SLIT3: variants seen among roughly 807,000 people sequenced by gnomAD.
SLIT3 encodes slit homolog 3 protein.
In SLIT3, 68 loss-of-function variants were observed where a neutral mutation model predicts 184.0. The ratio of observed to expected loss-of-function variants is 0.37; its 90% CI spans 0.30 to 0.45. The LOEUF (loss-of-function observed/expected upper bound fraction) is 0.45. Among genes scored for constraint, SLIT3 ranks in the 20% least tolerant of loss-of-function variants. SLIT3 has a pLI of 1.00. For synonymous variants in SLIT3, 831 were observed against 828.6 expected, an observed-to-expected ratio of 1.00 and a Z score of -0.05; for missense variants, 1,707 against 2,026.0, an observed-to-expected ratio of 0.84 and a Z score of 3.02.
intron 4 of SLIT3, among the ~76,000 whole-genome samples, chr5:169,068,144 C>T (rs1758419995): frequency 6.6e-6 from 1 of 152,214 alleles, no homozygotes; most frequent in East Asian, 1.9e-4. Flanking sequence ...GCACTATTCC[C>T]CTCTCAGTTG....
chr5:169,033,877 ATC>A (rs1436280524), intron 4 of SLIT3, among the ~76,000 whole-genome samples: 7 of 150,204 alleles, frequency 4.7e-5, no homozygotes, highest in African/African-American at 1.7e-4. Context: ...CAGTGGCACA[ATC>A]TCGGCTCACT....
intron 8 of SLIT3, among the ~76,000 whole-genome samples, chr5:168,808,889 C>T (rs1007874936): frequency 6.6e-6 from 1 of 152,116 alleles, no homozygotes; most frequent in African/African-American, 2.4e-5. Context: ...GGAGCCTGGC[C>T]TTCCACATCA....
chr5:169,225,633 G>A (rs756006853), intron 3 of SLIT3, among the ~76,000 whole-genome samples: 2 of 152,230 alleles, frequency 1.3e-5, no homozygotes, highest in African/African-American at 4.8e-5. Context: ...GGCCACGCCC[G>A]AGGGGCAGGG....
rs1412744418 is a variant in SLIT3, at chr5:169,269,154, CA to C, written c.198-17696del. ...CTTGTCTCCTTTATTAGCCTGTAAG[CA>C]ATAAGGGCAAGGGCTGTGGGGGTTC... is the stretch of plus-strand genomic sequence containing the variant. On this transcript the variant is annotated intron_variant, in intron 1 of 35. Transcript: ENST00000519560. Among the ~76,000 whole-genome samples the C allele has an allele frequency of 3.3e-5, 5 of 152,294 alleles. No individual in the cohort carries two copies. The East Asian group carries it at 9.6e-4, about 29-fold the overall frequency.
chr5:169,274,460 A>T (rs971305918), intron 1 of SLIT3, among the ~76,000 whole-genome samples: 1 of 152,224 alleles, frequency 6.6e-6, no homozygotes, highest in Non-Finnish European at 1.5e-5. Flanking sequence ...GATAATGTAT[A>T]AAATTCACTA....
intron 6 of SLIT3, among the ~76,000 whole-genome samples, chr5:168,842,469 G>GTTTTTTTTTTTTTTTTTTTTTTT (rs778998998): frequency 3.4e-5 from 3 of 88,100 alleles, no homozygotes; most frequent in African/African-American, 1.4e-4. Context: ...CCGTTTTTTC[G>GTTTTTTTTTTTTTTTTTTTTTTT]TTTTTTTTTT....
chr5:168,746,112 G>A (rs1191785424), intron 20 of SLIT3, among the ~76,000 whole-genome samples: 4 of 152,168 alleles, frequency 2.6e-5, no homozygotes. Context: ...ACATTTGTGC[G>A]ACTTGCTTCA....
chr5:168,690,323 C>T (rs570818379), intron 29 of SLIT3, among the ~76,000 whole-genome samples: 9 of 152,086 alleles, frequency 5.9e-5, no homozygotes, highest in Non-Finnish European at 1.3e-4. Flanking sequence ...TCAGTAGAGA[C>T]GGGGTTTCAC....
intron 1 of SLIT3, among the ~76,000 whole-genome samples, chr5:169,275,577 T>C (rs1257839935): frequency 6.6e-6 from 1 of 152,124 alleles, no homozygotes; most frequent in African/African-American, 2.4e-5. Context: ...TTCCACACGG[T>C]AGGGGCAGTC....
chr5:169,065,947 T>G (rs1758337061), intron 4 of SLIT3, among the ~76,000 whole-genome samples: 1 of 152,224 alleles, frequency 6.6e-6, no homozygotes. Flanking sequence ...CTATGTTTCA[T>G]GAACTTCATC....
At chr5:168,885,971 C>T (rs1487734394) in intron 4 of SLIT3, among the ~76,000 whole-genome samples, 6 of 152,268 alleles carry the variant, frequency 3.9e-5, no homozygotes, top group African/African-American at 1.2e-4. Flanking sequence ...TTGGGTGGGG[C>T]AGCGCTTTGG....
At chr5:168,856,984 G>A (rs529700594) in intron 5 of SLIT3, among the ~76,000 whole-genome samples, 1 of 151,854 alleles carries the variant, frequency 6.6e-6, no homozygotes, top group Non-Finnish European at 1.5e-5. Context: ...AAGGGATGGT[G>A]GGGGGGCCTG....
At chr5:169,192,423 CTGTGTGTGTG>C (rs3038088) in intron 4 of SLIT3, among the ~76,000 whole-genome samples, 34 of 148,278 alleles carry the variant, frequency 2.3e-4, no homozygotes, top group Middle Eastern at 3.5e-3. Flanking sequence ...TATATAGTCT[CTGTGTGTGTG>C]TGTGTGTGTG....
intron 1 of SLIT3, chr5:169,263,494 C>A: frequency 2.5e-6 from 1 of 395,926 alleles, no homozygotes; most frequent in South Asian, 1.9e-5. Context: ...CCCTCCCCTG[C>A]AGATTTCAGA....
intron 3 of SLIT3, among the ~76,000 whole-genome samples, chr5:169,222,612 G>A (rs1377825935): frequency 6.6e-6 from 1 of 152,114 alleles, no homozygotes; most frequent in Non-Finnish European, 1.5e-5. Context: ...AAACACCTCA[G>A]TTTTTGGTTC....
intron 9 of SLIT3, among the ~76,000 whole-genome samples, chr5:168,798,731 G>A (rs574868416): frequency 6.6e-6 from 1 of 152,176 alleles, no homozygotes; most frequent in South Asian, 2.1e-4. Flanking sequence ...AAAGGGGAGG[G>A]ATAACCATAA....
In SLIT3 at chr5:168,679,942, A is replaced by G. The variant is rs180833721; in HGVS notation, c.3686+4024T>C. 3.9e-5 allele frequency among the ~76,000 whole-genome samples: 6 copies of G among 152,382 alleles called. No homozygotes were observed. The East Asian group carries it at 1.2e-3, about 29-fold the overall frequency. On this transcript the variant is annotated intron_variant, in intron 32 of 35. Coordinates refer to ENST00000519560, the MANE Select transcript of SLIT3 (RefSeq NM_003062.4). The stretch of plus-strand genomic sequence containing the variant: ...GCAGTGGACAGGATTGTAGAAATCA[A>G]GACTCAGAGAGCATGCACTGCATTG...
chr5:168,767,002 G>T (rs925744818), intron 14 of SLIT3, among the ~76,000 whole-genome samples: 2 of 152,202 alleles, frequency 1.3e-5, no homozygotes, highest in Non-Finnish European at 2.9e-5. Flanking sequence ...GCAGTACAGT[G>T]CAGCCATTCT....
At chr5:169,230,655 T>C (rs931216153) in intron 3 of SLIT3, among the ~76,000 whole-genome samples, 2 of 152,224 alleles carry the variant, frequency 1.3e-5, no homozygotes, top group African/African-American at 4.8e-5. Flanking sequence ...AATTCCTTTC[T>C]AGCCTATTTC....
Sources: allele counts gnomAD v4.1 joint callset (sites outside exome capture counted in the v4.1 genomes callset), GRCh38; gene constraint gnomAD v4.1.1; transcripts MANE v1.5; gene names NCBI Gene and HGNC (gene_info 2026-07-23, HGNC 2026-07-21).